The following DAB2IP variants were observed in gnomAD, a reference collection of about 807,000 sequenced individuals.
DAB2IP encodes DAB2 interacting protein, also known as disabled homolog 2-interacting protein.
A neutral mutation model predicts 107.2 loss-of-function variants in DAB2IP; 28 were observed. The observed-to-expected ratio is 0.26, with a 90% CI of 0.19 to 0.36. The LOEUF (loss-of-function observed/expected upper bound fraction) is 0.36, where lower values mean the gene tolerates loss of function less well. Among genes scored for constraint, DAB2IP ranks in the 10% least tolerant of loss-of-function variants. The probability of loss-of-function intolerance (pLI) is 1.00; values close to 1 mark genes in which losing one functional copy is unlikely to be tolerated. For synonymous variants in DAB2IP, 755 were observed against 706.4 expected, an observed-to-expected ratio of 1.07 and a Z score of -1.09; for missense variants, 1,400 against 1,644.7, an observed-to-expected ratio of 0.85 and a Z score of 2.57.
At chr9:121,580,827 G>A (rs574874768) in intron 1 of DAB2IP, among the ~76,000 whole-genome samples, 3 of 152,200 alleles carry the variant, frequency 2.0e-5, no homozygotes, top group African/African-American at 4.8e-5. Flanking sequence ...GGGTTTCACC[G>A]TGTTAGCCAG....
intron 1 of DAB2IP, among the ~76,000 whole-genome samples, chr9:121,604,867 C>T (rs924056982): frequency 6.6e-6 from 1 of 152,194 alleles, no homozygotes; most frequent in Non-Finnish European, 1.5e-5. Context: ...TCCACTCCTG[C>T]TCCAACTGCC....
At chr9:121,648,916 G>A (rs966964563), upstream of DAB2IP, among the ~76,000 whole-genome samples, 2 of 152,206 alleles carry the variant, frequency 1.3e-5, no homozygotes, top group Non-Finnish European at 2.9e-5. Context: ...CCTGTTCAGA[G>A]AGAGAAAGCC....
chr9:121,730,998 G>A (rs534743381), intron 3 of DAB2IP, among the ~76,000 whole-genome samples: 38 of 152,258 alleles, frequency 2.5e-4, no homozygotes, highest in Admixed American at 6.5e-4. Context: ...CTTGGACATC[G>A]TTCTCTCCAG....
At chr9:121,606,646 G>T (rs550975609) in intron 1 of DAB2IP, among the ~76,000 whole-genome samples, 140 of 152,232 alleles carry the variant, frequency 9.2e-4, no homozygotes, top group African/African-American at 3.1e-3. Context: ...TCAGAGTGAG[G>T]ATTTTTTTTT....
exon 16 of DAB2IP, chr9:121,785,165 A>T (rs1189420409): frequency 1.3e-5 from 2 of 152,754 alleles, no homozygotes; most frequent in East Asian, 3.9e-4. Flanking sequence ...GTGGGGGTGG[A>T]GGACCGAGGC....
At chr9:121,712,479 C>A (rs1313127076) in intron 3 of DAB2IP, among the ~76,000 whole-genome samples, 2 of 152,142 alleles carry the variant, frequency 1.3e-5, no homozygotes, top group African/African-American at 4.8e-5. Flanking sequence ...CTTCTTCAAT[C>A]CCTCCCAGTT....
intron 1 of DAB2IP, among the ~76,000 whole-genome samples, chr9:121,660,512 G>A (rs1328123325): frequency 6.6e-6 from 1 of 152,178 alleles, no homozygotes; most frequent in African/African-American, 2.4e-5. Context: ...AGGCCGGCAG[G>A]TGCAGGATGG....
At chr9:121,749,642 G>A (rs902030719) in intron 3 of DAB2IP, among the ~76,000 whole-genome samples, 1 of 152,218 alleles carries the variant, frequency 6.6e-6, no homozygotes, top group African/African-American at 2.4e-5. Flanking sequence ...GGGGCTAAAG[G>A]GGCCTCCTCA....
At chr9:121,580,088 T>C (rs1830157440) in intron 1 of DAB2IP, among the ~76,000 whole-genome samples, 1 of 152,122 alleles carries the variant, frequency 6.6e-6, no homozygotes, top group South Asian at 2.1e-4. Flanking sequence ...CTCCTCCTTT[T>C]TTCCCTCCTC....
At chr9:121,642,022 TC>T (rs1378623888) in intron 1 of DAB2IP, among the ~76,000 whole-genome samples, 6 of 33,606 alleles carry the variant, frequency 1.8e-4, no homozygotes, top group South Asian at 2.1e-3. Flanking sequence ...TCTCTCTCTC[TC>T]TCTCTCTCTT....
rs1214301914 is a variant in DAB2IP at position 121,635,424 on chromosome 9, A to G, written c.41-43254A>G. Among the ~76,000 whole-genome samples the G allele has an allele frequency of 6.6e-6, 1 of 152,140 alleles. No homozygotes were observed. ...AGGGCTCACAGTTAGTTGGTGGTAG[A>G]GCTGAAACTGGAACTCTGGTCTCTC... On this transcript the variant is annotated intron_variant, in intron 1 of 16. Transcript: ENST00000259371. This position sits in a 1 kb window ranked among gnomAD's most constrained non-coding sequence, Gnocchi z 4.3.
intron 1 of DAB2IP, among the ~76,000 whole-genome samples, chr9:121,643,017 A>G (rs978249474): frequency 1.2e-4 from 19 of 152,080 alleles, no homozygotes; most frequent in Non-Finnish European, 2.9e-5. Context: ...AAACGCCCTG[A>G]GGTGGGACCA....
At chr9:121,596,141 A>G (rs1414738883) in intron 1 of DAB2IP, among the ~76,000 whole-genome samples, 1 of 152,128 alleles carries the variant, frequency 6.6e-6, no homozygotes, top group Admixed American at 6.6e-5. Flanking sequence ...ACCAACATGG[A>G]GAAACCCTGT....
At chr9:121,770,671 C>T in exon 11 of DAB2IP, 3 of 1,614,118 alleles carry the variant, frequency 1.9e-6, no homozygotes, top group Non-Finnish European at 2.5e-6. Context: ...GCTCTGGCAG[C>T]AGCAGCATCT....
intron 14 of DAB2IP, among the ~76,000 whole-genome samples, chr9:121,778,885 T>TTA (rs397753669): frequency 7.2e-5 from 11 of 151,952 alleles, no homozygotes; most frequent in Admixed American, 5.9e-4. Flanking sequence ...ACTTTTTTTT[T>TTA]AAATCACTGG....
chr9:121,709,187 G>A (rs976969315), intron 3 of DAB2IP, among the ~76,000 whole-genome samples: 2 of 152,222 alleles, frequency 1.3e-5, no homozygotes, highest in Admixed American at 6.5e-5. Flanking sequence ...GTGTCTCGGG[G>A]CCCAGGATTC....
chr9:121,714,000 C>A (rs1830465522), intron 3 of DAB2IP, among the ~76,000 whole-genome samples: 1 of 152,176 alleles, frequency 6.6e-6, no homozygotes, highest in Non-Finnish European at 1.5e-5. Flanking sequence ...TAAATGGGCA[C>A]CATGATTGTG....
intron 3 of DAB2IP, chr9:121,752,801 A>G (rs1348503474): frequency 1.3e-5 from 2 of 152,188 alleles, no homozygotes; most frequent in Non-Finnish European, 2.9e-5. Flanking sequence ...GGGCTGGGAA[A>G]TACCTCCCCG....
Position 121,773,679 on chromosome 9 carries a change from C to T in DAB2IP, c.2967+184C>T, listed in dbSNP as rs1834951050. On this transcript the variant is annotated intron_variant, in intron 12 of 15. Coordinates refer to ENST00000408936, the Ensembl canonical transcript of DAB2IP. ...CTGGCTTCTTCCTGAATCCTGTGAACCAGGGACACTGTAGCCTTGGGGAAC... is the reference window on the plus strand; with the variant it reads ...CTGGCTTCTTCCTGAATCCTGTGAATCAGGGACACTGTAGCCTTGGGGAAC... 3.9e-5 allele frequency among the ~76,000 whole-genome samples: 6 copies of T among 152,332 alleles called. No individual in the cohort carries two copies. In the South Asian group the frequency reaches 1.0e-3, roughly 26 times the overall value.
Sources: gnomAD v4.1 joint callset for allele counts (sites outside exome capture counted in the v4.1 genomes callset) on GRCh38, gnomAD v4.1.1 for gene constraint, Gnocchi (gnomAD v3.1) non-coding constraint, MANE v1.5 for transcripts, NCBI Gene and HGNC (gene_info 2026-07-23, HGNC 2026-07-21) for gene names.